The following TXLNB variants were observed in gnomAD, a reference collection of about 807,000 sequenced individuals.
The protein encoded by TXLNB is taxilin beta.
A neutral mutation model predicts 57.4 loss-of-function variants in TXLNB; 37 were observed. The observed-to-expected ratio is 0.64, with a 90% CI of 0.50 to 0.85. The LOEUF (loss-of-function observed/expected upper bound fraction) is 0.85. Ranked by LOEUF, TXLNB falls within the 40% of genes least tolerant of loss-of-function variation. The pLI, the probability that TXLNB is intolerant of heterozygous loss-of-function variation, is 0.00. For synonymous variants in TXLNB, 302 were observed against 309.6 expected (o/e 0.98, Z 0.26); for missense variants, 848 against 825.6 (o/e 1.03, Z -0.33).
chr6:139,262,533 G>A, intron 5 of TXLNB, 46 bp downstream of exon 5: 1 of 1,481,938 alleles, frequency 6.7e-7, no homozygotes, highest in South Asian at 1.4e-5. Context: ...TTAGCTCCCA[G>A]ATCCGGATCT....
At chr6:139,254,920 G>A (rs1245814525) in intron 7 of TXLNB, among the ~76,000 whole-genome samples, 2 of 152,174 alleles carry the variant, frequency 1.3e-5, no homozygotes, top group Non-Finnish European at 2.9e-5. Context: ...CTGAGTTCCA[G>A]TGACTCTCCT....
chr6:139,188,232 C>T, the TXLNB span, among the ~76,000 whole-genome samples: 1 of 151,860 alleles, frequency 6.6e-6, no homozygotes, highest in Non-Finnish European at 1.5e-5. Context: ...TCGATGGGTG[C>T]GTTGATGGAA....
chr6:139,289,029 G>A (rs372421299), intron 1 of TXLNB, 116 bp from the exon 2 acceptor site: 237 of 740,252 alleles, frequency 3.2e-4, no homozygotes, highest in Admixed American at 1.1e-3. Flanking sequence ...AGTCTCTAAC[G>A]TAGAGAAAGG....
the TXLNB span, chr6:139,199,939 C>G: frequency 6.6e-6 from 1 of 152,116 alleles, no homozygotes; most frequent in Non-Finnish European, 1.5e-5. Context: ...CCTCACAGAC[C>G]TCCAATGACA....
the TXLNB span, among the ~76,000 whole-genome samples, chr6:139,304,653 G>T: frequency 1.3e-5 from 2 of 152,194 alleles, no homozygotes; most frequent in Non-Finnish European, 2.9e-5. Context: ...AGTAAAACAG[G>T]TAGAGAGGGT....
the TXLNB span, among the ~76,000 whole-genome samples, chr6:139,322,084 G>A: frequency 6.6e-6 from 1 of 151,904 alleles, no homozygotes; most frequent in Non-Finnish European, 1.5e-5. Flanking sequence ...TCCAGCAATC[G>A]TCCCACTTCA....
At chr6:139,312,922 C>T in the TXLNB span, among the ~76,000 whole-genome samples, 2 of 152,150 alleles carry the variant, frequency 1.3e-5, no homozygotes, top group Non-Finnish European at 2.9e-5. Flanking sequence ...TCCTGGTCAC[C>T]TTCCAATAAC....
At chr6:139,300,265 T>C in the TXLNB span, among the ~76,000 whole-genome samples, 63 of 152,318 alleles carry the variant, frequency 4.1e-4, no homozygotes, top group African/African-American at 1.5e-3. Flanking sequence ...GCAGTTCTTA[T>C]CAAAGAGCAT....
the TXLNB span, among the ~76,000 whole-genome samples, chr6:139,221,097 A>C: frequency 2.6e-4 from 39 of 152,334 alleles, no homozygotes; most frequent in Admixed American, 5.2e-4. Context: ...CAAGAAAAGC[A>C]AAAAGAGAAA....
chr6:139,187,342 G>A, the TXLNB span, among the ~76,000 whole-genome samples: 1 of 152,096 alleles, frequency 6.6e-6, no homozygotes, highest in Non-Finnish European at 1.5e-5. Context: ...TCTCTTTAAA[G>A]TGGAATTGGA....
At chr6:139,268,254 T>C (rs541511134) in intron 4 of TXLNB, among the ~76,000 whole-genome samples, 20 of 150,970 alleles carry the variant, frequency 1.3e-4, no homozygotes, top group South Asian at 4.2e-4. Context: ...ATACACCTAA[T>C]ATTAATGCTT....
chr6:139,168,856 T>C, the TXLNB span, among the ~76,000 whole-genome samples: 14 of 152,232 alleles, frequency 9.2e-5, no homozygotes, highest in Non-Finnish European at 2.1e-4. Context: ...TCTTCTAAGT[T>C]ATACATATTT....
At chr6:139,209,470 A>T in the TXLNB span, among the ~76,000 whole-genome samples, 4 of 152,200 alleles carry the variant, frequency 2.6e-5, no homozygotes, top group African/African-American at 9.6e-5. Flanking sequence ...GGAACCAAAA[A>T]AGAGCCCACC....
intron 3 of TXLNB, among the ~76,000 whole-genome samples, chr6:139,275,953 T>C (rs996054616): frequency 2.0e-5 from 3 of 152,224 alleles, no homozygotes; most frequent in South Asian, 2.1e-4. Flanking sequence ...GTCTCTTAAG[T>C]TGCATTCTCC....
chr6:139,303,690 C>CTACAATTA, the TXLNB span, among the ~76,000 whole-genome samples: 1 of 151,190 alleles, frequency 6.6e-6, no homozygotes, highest in African/African-American at 2.4e-5. Context: ...AGAGAATGTG[C>CTACAATTA]TACAATTATA....
Position 139,276,879 on chromosome 6 carries a change from T to G in TXLNB, c.467A>C (p.Gln156Pro). ...AAAATCAAACTTTTCTTCCGGTGTT[T>G]GCAACTTGTTCAGATTTTGCATTAG... is the stretch of plus-strand genomic sequence containing the variant. The part of the protein sequence containing the change: ...NLLMQNLNKL[Q>P]TPEEKFDFLF... Residue 156 changes from glutamine to proline, a missense_variant, in exon 3 of 10, where the codon CAA (glutamine) becomes CCA (proline). Coordinates refer to ENST00000358430, the MANE Select transcript of TXLNB (RefSeq NM_153235.4). The G allele has an allele frequency of 6.2e-7, 1 of 1,600,780 alleles. No homozygotes were observed. The highest frequency in any genetic ancestry group is 8.5e-7 in the Non-Finnish European group (1 of 1,176,134).
chr6:139,189,857 G>A, the TXLNB span, among the ~76,000 whole-genome samples: 4 of 152,204 alleles, frequency 2.6e-5, no homozygotes, highest in South Asian at 2.1e-4. Flanking sequence ...TGGAAGTCAC[G>A]TGATGGGATT....
chr6:139,291,527 A>T (rs189673445), intron 1 of TXLNB, among the ~76,000 whole-genome samples: 32 of 152,358 alleles, frequency 2.1e-4, no homozygotes, highest in African/African-American at 7.0e-4. Context: ...ACTTTAAAAC[A>T]GAACAGTCAT....
chr6:139,250,357 C>CTTTTTTTTTTTTTTT (rs61441759), intron 7 of TXLNB, among the ~76,000 whole-genome samples: 1 of 118,892 alleles, frequency 8.4e-6, no homozygotes, highest in African/African-American at 3.3e-5. Context: ...TTCTTTCTTT[C>CTTTTTTTTTTTTTTT]TTTTTTTTTT....
Sources: gnomAD v4.1 joint callset for allele counts (sites outside exome capture counted in the v4.1 genomes callset) on GRCh38, gnomAD v4.1.1 for gene constraint, MANE v1.5 for transcripts, NCBI Gene and HGNC (gene_info 2026-07-23, HGNC 2026-07-21) for gene names.